Variants in STARD13 observed in about 807,000 individuals in gnomAD.
STARD13 encodes the protein stAR-related lipid transfer protein 13.
In STARD13, 62 loss-of-function variants were observed where a neutral mutation model predicts 106.4. The observed-to-expected ratio is 0.58, with a 90% CI of 0.48 to 0.72. The LOEUF (loss-of-function observed/expected upper bound fraction) is 0.72. STARD13 is among the 30% of genes least tolerant of loss of function. The probability of loss-of-function intolerance (pLI) is 0.00; values close to 1 mark genes in which losing one functional copy is unlikely to be tolerated. For synonymous variants in STARD13, 565 were observed against 553.0 expected (o/e 1.02, Z -0.31); for missense variants, 1,387 against 1,424.0 (o/e 0.97, Z 0.42).
intron 1 of STARD13, among the ~76,000 whole-genome samples, chr13:33,307,743 A>G (rs1338906538): frequency 6.6e-6 from 1 of 152,204 alleles, no homozygotes; most frequent in Non-Finnish European, 1.5e-5. Context: ...TCATAGCTGC[A>G]GCAAACCTCC....
the STARD13 span, among the ~76,000 whole-genome samples, chr13:33,598,484 G>A: frequency 6.6e-6 from 1 of 152,088 alleles, no homozygotes; most frequent in Non-Finnish European, 1.5e-5. Flanking sequence ...ACAGTTATTT[G>A]TTTATGCATC....
intron 1 of STARD13, among the ~76,000 whole-genome samples, chr13:33,208,319 G>C (rs1296401082): frequency 6.6e-6 from 1 of 152,126 alleles, no homozygotes; most frequent in Non-Finnish European, 1.5e-5. Flanking sequence ...GCAGAGATGA[G>C]GGAGGACCCA....
chr13:33,550,843 A>G, the STARD13 span, among the ~76,000 whole-genome samples: 5 of 152,202 alleles, frequency 3.3e-5, no homozygotes, highest in African/African-American at 1.2e-4. Context: ...CACTTTCAGC[A>G]TAGAACTTCC....
At position 33,122,826 on chromosome 13, in the gene STARD13, G is replaced by A. The variant is rs144976078; in HGVS notation, c.2082+3255C>T. On this transcript the variant is annotated intron_variant, in intron 7 of 13. Coordinates refer to ENST00000336934, the MANE Select transcript of STARD13 (RefSeq NM_178006.4). Reference sequence around the variant, plus strand: ...TCCCAGCACTTAGGGAGGCCGAGGCGGGTGGATCACCTGAGGTCAGGAGTT... The same window carrying A: ...TCCCAGCACTTAGGGAGGCCGAGGCAGGTGGATCACCTGAGGTCAGGAGTT... Among the ~76,000 whole-genome samples, 168 of 152,120 alleles carry A rather than the reference G, an allele frequency of 1.1e-3. No homozygotes were observed. The East Asian group carries it at 0.029, about 26-fold the overall frequency.
the STARD13 span, among the ~76,000 whole-genome samples, chr13:33,497,657 G>T: frequency 3.3e-5 from 5 of 152,036 alleles, no homozygotes; most frequent in African/African-American, 1.2e-4. Flanking sequence ...TCTACTATCT[G>T]CTTTAAAAAT....
chr13:33,542,797 C>A, the STARD13 span, among the ~76,000 whole-genome samples: 26 of 152,252 alleles, frequency 1.7e-4, no homozygotes, highest in African/African-American at 5.8e-4. Context: ...GTCTCCCCAG[C>A]GGCCCAGGCT....
intron 1 of STARD13, chr13:33,349,304 G>A (rs1031164403): frequency 1.3e-5 from 9 of 696,228 alleles, no homozygotes; most frequent in African/African-American, 5.3e-5. Flanking sequence ...CCCAGTCCCC[G>A]AAGCATCTTC....
the STARD13 span, among the ~76,000 whole-genome samples, chr13:33,621,641 T>C: frequency 0.17 from 22,100 of 131,548 alleles, 3,842 homozygotes; most frequent in African/African-American, 0.45. Context: ...GAACACGCCA[T>C]TGCACTCCAG....
intron 1 of STARD13, among the ~76,000 whole-genome samples, chr13:33,331,761 A>G (rs2077839432): frequency 6.6e-6 from 1 of 152,122 alleles, no homozygotes; most frequent in South Asian, 2.1e-4. Context: ...TGCAGAGCAT[A>G]GCAGAGTGTC....
chr13:33,651,648 G>A, the STARD13 span, among the ~76,000 whole-genome samples: 1 of 152,196 alleles, frequency 6.6e-6, no homozygotes. Context: ...TTTACAGCTG[G>A]TTAACAATAG....
chr13:33,430,012 G>A, the STARD13 span, among the ~76,000 whole-genome samples: 3 of 151,748 alleles, frequency 2.0e-5, no homozygotes, highest in Admixed American at 6.6e-5. Flanking sequence ...CCGCCTCCCA[G>A]GTTCGCGCCA....
the STARD13 span, among the ~76,000 whole-genome samples, chr13:33,584,417 C>G: frequency 2.6e-5 from 4 of 151,914 alleles, no homozygotes; most frequent in Non-Finnish European, 5.9e-5. Flanking sequence ...ACAGCTGAAT[C>G]TCATGATAAT....
At chr13:33,524,319 A>T in the STARD13 span, 7 of 1,244,948 alleles carry the variant, frequency 5.6e-6, no homozygotes, top group African/African-American at 1.1e-4. Flanking sequence ...TAGTTCTACA[A>T]ATTCCTTTCT....
the STARD13 span, among the ~76,000 whole-genome samples, chr13:33,479,619 T>C: frequency 1.3e-5 from 2 of 152,216 alleles, no homozygotes; most frequent in Admixed American, 6.5e-5. Context: ...AGATGTATTG[T>C]TGATATACTT....
At chr13:33,183,456 G>C (rs989306499) in intron 1 of STARD13, among the ~76,000 whole-genome samples, 5 of 152,196 alleles carry the variant, frequency 3.3e-5, no homozygotes, top group Admixed American at 2.0e-4. Context: ...AAGCTCTCCT[G>C]CTCTCTTTTT....
chr13:33,600,426 A>C, the STARD13 span, among the ~76,000 whole-genome samples: 6 of 152,238 alleles, frequency 3.9e-5, no homozygotes, highest in Non-Finnish European at 7.3e-5. Flanking sequence ...TTTTGGTTAT[A>C]TAGAAGAAAG....
intron 1 of STARD13, among the ~76,000 whole-genome samples, chr13:33,168,187 T>C (rs1256626346): frequency 6.6e-6 from 1 of 152,098 alleles, no homozygotes; most frequent in East Asian, 1.9e-4. Flanking sequence ...TAATTCCCCA[T>C]GCATTATAAC....
the STARD13 span, among the ~76,000 whole-genome samples, chr13:33,635,852 C>T: frequency 4.1e-5 from 6 of 144,906 alleles, no homozygotes; most frequent in East Asian, 4.2e-4. Context: ...GGTGTGGTGG[C>T]GGGCACCTGT....
the STARD13 span, among the ~76,000 whole-genome samples, chr13:33,646,990 A>G: frequency 6.6e-6 from 1 of 152,218 alleles, no homozygotes; most frequent in Non-Finnish European, 1.5e-5. Flanking sequence ...ACAATTACAT[A>G]GAGAAGTATG....
Sources: gnomAD v4.1 joint callset for allele counts (sites outside exome capture counted in the v4.1 genomes callset) on GRCh38, gnomAD v4.1.1 for gene constraint, MANE v1.5 for transcripts, NCBI Gene and HGNC (gene_info 2026-07-23, HGNC 2026-07-21) for gene names.